MACROD2: variants seen among roughly 807,000 people sequenced by gnomAD.
MACROD2 encodes the protein mono-ADP ribosylhydrolase 2.
Under a neutral mutation model 70.4 loss-of-function variants are expected in MACROD2, and 36 were observed. The ratio of observed to expected loss-of-function variants is 0.51; its 90% CI spans 0.39 to 0.68. The LOEUF is 0.68. Among genes scored for constraint, MACROD2 ranks in the 30% least tolerant of loss-of-function variants. MACROD2 has a pLI of 0.00. For missense variants in MACROD2, 496 were observed against 538.4 expected (o/e 0.92, Z 0.78); for synonymous variants, 172 against 178.8 (o/e 0.96, Z 0.30).
At position 14,896,273 on chromosome 20, in the gene MACROD2, C is replaced by A. The variant is rs117525247; in HGVS notation, c.418+211314C>A. ...TTGCACCACTGCACTTCAGCCTGGG[C>A]GACAGAGCGCAACTCTATCTCAAAA... On this transcript the variant is annotated intron_variant, in intron 5 of 17. Transcript: ENST00000684519. Among the ~76,000 whole-genome samples, 3 of 151,410 alleles carry A rather than the reference C, an allele frequency of 2.0e-5. No individual in the cohort carries two copies. In the South Asian group the frequency reaches 6.3e-4, roughly 32 times the overall value.
At chr20:15,491,735 T>A (rs2047233915) in intron 7 of MACROD2, among the ~76,000 whole-genome samples, 1 of 152,196 alleles carries the variant, frequency 6.6e-6, no homozygotes, top group South Asian at 2.1e-4. Context: ...CTGCCCTACA[T>A]GTGGCAAAGT....
chr20:14,227,826 T>G lies in MACROD2; in HGVS notation c.271+142098T>G, dbSNP rs539428827. Among the ~76,000 whole-genome samples the G allele has an allele frequency of 5.3e-5, 8 of 152,342 alleles. No homozygotes were observed. In the East Asian group the frequency reaches 1.5e-3, roughly 29 times the overall value. ...ATTTGACCCATTATCCCAAGAAAAT[T>G]CTTAAAGCAAACATAAAATACATGG... is the stretch of plus-strand genomic sequence containing the variant. On this transcript the variant is annotated intron_variant, in intron 3 of 17. Coordinates refer to ENST00000684519, the MANE Select transcript of MACROD2 (RefSeq NM_001351661.2).
At chr20:14,123,815 TG>T (rs1160990305) in intron 3 of MACROD2, among the ~76,000 whole-genome samples, 3 of 152,098 alleles carry the variant, frequency 2.0e-5, no homozygotes, top group Non-Finnish European at 4.4e-5. Context: ...AAGTAAACAG[TG>T]GGGAAATAAA....
intron 4 of MACROD2, among the ~76,000 whole-genome samples, chr20:14,561,409 T>A (rs2123292001): frequency 6.6e-6 from 1 of 151,990 alleles, no homozygotes; most frequent in South Asian, 2.1e-4. Flanking sequence ...TTTGAAATAA[T>A]TTGTGAAATA....
intron 9 of MACROD2, among the ~76,000 whole-genome samples, chr20:15,876,919 T>C (rs554500008): frequency 6.6e-6 from 1 of 152,216 alleles, no homozygotes; most frequent in African/African-American, 2.4e-5. Context: ...CTTTGAAGTG[T>C]TGTCTGTCTC....
At chr20:15,359,775 A>G (rs937985171) in intron 6 of MACROD2, among the ~76,000 whole-genome samples, 9 of 152,184 alleles carry the variant, frequency 5.9e-5, no homozygotes, top group Non-Finnish European at 7.4e-5. Flanking sequence ...GGAAGTTGCA[A>G]AAATATGAGA....
intron 5 of MACROD2, among the ~76,000 whole-genome samples, chr20:15,180,100 A>G (rs990215654): frequency 1.8e-4 from 27 of 152,134 alleles, no homozygotes; most frequent in Non-Finnish European, 1.5e-4. Flanking sequence ...GTCAGATTGC[A>G]TTAGGGTTCA....
chr20:15,371,960 TG>T (rs2045500124), intron 6 of MACROD2, among the ~76,000 whole-genome samples: 1 of 151,982 alleles, frequency 6.6e-6, no homozygotes, highest in South Asian at 2.1e-4. Flanking sequence ...GTTAATTGAG[TG>T]TTTATGAAAA....
chr20:15,332,362 G>A (rs2078001702), intron 6 of MACROD2, among the ~76,000 whole-genome samples: 1 of 151,586 alleles, frequency 6.6e-6, no homozygotes, highest in South Asian at 2.1e-4. Flanking sequence ...CATACGCTTA[G>A]GAGGAAGGTT....
chr20:15,971,043 C>A (rs2066222843), intron 13 of MACROD2, among the ~76,000 whole-genome samples: 1 of 152,074 alleles, frequency 6.6e-6, no homozygotes, highest in Admixed American at 6.6e-5. Context: ...TCATACCCAA[C>A]AAAGTAAAAT....
At chr20:14,995,067 C>T (rs916646394) in intron 5 of MACROD2, among the ~76,000 whole-genome samples, 1 of 152,052 alleles carries the variant, frequency 6.6e-6, no homozygotes. Flanking sequence ...TACAAAACTA[C>T]ATCATAATAT....
chr20:14,851,833 A>G (rs1466541205), intron 5 of MACROD2, among the ~76,000 whole-genome samples: 1 of 152,216 alleles, frequency 6.6e-6, no homozygotes, highest in East Asian at 1.9e-4. Context: ...GTCATAAAGC[A>G]GCACATCTGG....
At chr20:14,565,437 C>G in intron 4 of MACROD2, among the ~76,000 whole-genome samples, 2 of 143,734 alleles carry the variant, frequency 1.4e-5, no homozygotes, top group Non-Finnish European at 1.5e-5. Flanking sequence ...TCATTTCCCT[C>G]CCACCCCTCC....
intron 5 of MACROD2, among the ~76,000 whole-genome samples, chr20:15,196,637 C>G (rs1339977380): frequency 6.6e-6 from 1 of 152,324 alleles, no homozygotes; most frequent in East Asian, 1.9e-4. Context: ...AAACACTACT[C>G]TGCAAAAACA....
intron 8 of MACROD2, among the ~76,000 whole-genome samples, chr20:15,613,360 T>C (rs1395488586): frequency 6.6e-6 from 1 of 152,240 alleles, no homozygotes; most frequent in Non-Finnish European, 1.5e-5. Context: ...GGCATGTCTG[T>C]GTAATACTGC....
intron 6 of MACROD2, among the ~76,000 whole-genome samples, chr20:15,281,779 G>C (rs1375302249): frequency 2.0e-5 from 3 of 152,206 alleles, no homozygotes; most frequent in African/African-American, 7.2e-5. Flanking sequence ...CTGGAGAATG[G>C]TGGTCCTCTT....
intron 3 of MACROD2, among the ~76,000 whole-genome samples, chr20:14,257,791 A>G (rs980219567): frequency 6.6e-6 from 1 of 152,132 alleles, no homozygotes; most frequent in Non-Finnish European, 1.5e-5. Flanking sequence ...AGTCACATGG[A>G]TAAGTTCTTT....
chr20:15,920,334 C>T (rs879819523), intron 10 of MACROD2, among the ~76,000 whole-genome samples: 7 of 152,090 alleles, frequency 4.6e-5, no homozygotes, highest in Non-Finnish European at 8.8e-5. Flanking sequence ...AAGCAACTGT[C>T]TCAGACCATC....
At chr20:14,027,825 C>T (rs1319553810) in intron 2 of MACROD2, among the ~76,000 whole-genome samples, 2 of 152,180 alleles carry the variant, frequency 1.3e-5, no homozygotes, top group Admixed American at 1.3e-4. Context: ...CCAGCCGGAG[C>T]TCTCCTGTAT....
Sources: gnomAD v4.1 joint callset for allele counts (sites outside exome capture counted in the v4.1 genomes callset) on GRCh38, gnomAD v4.1.1 for gene constraint, MANE v1.5 for transcripts, NCBI Gene and HGNC (gene_info 2026-07-23, HGNC 2026-07-21) for gene names.